Variants in CFAP299 observed in about 807,000 individuals in gnomAD.
CFAP299 encodes the protein cilia and flagella associated protein 299, also known as cilia- and flagella-associated protein 299.
CFAP299 carries 21 observed loss-of-function variants against 27.0 expected under a neutral mutation model. The ratio of observed to expected loss-of-function variants is 0.78; its 90% CI spans 0.55 to 1.12. The LOEUF (loss-of-function observed/expected upper bound fraction) is 1.12. Ranked by LOEUF, CFAP299 falls within the 50% of genes most tolerant of loss-of-function variation. The pLI, the probability that CFAP299 is intolerant of heterozygous loss-of-function variation, is 0.00. For missense variants in CFAP299, 310 were observed against 276.6 expected, an observed-to-expected ratio of 1.12 and a Z score of -0.86; for synonymous variants, 104 against 98.1, an observed-to-expected ratio of 1.06 and a Z score of -0.36.
intron 2 of CFAP299, among the ~76,000 whole-genome samples, chr4:80,442,541 G>A (rs1728409264): frequency 2.0e-5 from 3 of 152,090 alleles, no homozygotes. Flanking sequence ...AGAATCTCTG[G>A]GACACAGCTA....
chr4:80,760,817 G>A (rs890051167), intron 3 of CFAP299, among the ~76,000 whole-genome samples: 3 of 152,102 alleles, frequency 2.0e-5, no homozygotes, highest in Non-Finnish European at 2.9e-5. Flanking sequence ...AGTCACTAGG[G>A]AAGTCTTCCT....
intron 3 of CFAP299, among the ~76,000 whole-genome samples, chr4:80,638,576 G>A (rs969292987): frequency 6.6e-6 from 1 of 152,302 alleles, no homozygotes; most frequent in African/African-American, 2.4e-5. Context: ...CTTGAGTCAT[G>A]CTTCCCTGAG....
chr4:80,860,832 C>T (rs1578192251), intron 3 of CFAP299, among the ~76,000 whole-genome samples: 1 of 152,156 alleles, frequency 6.6e-6, no homozygotes, highest in African/African-American at 2.4e-5. Context: ...GGGGGTGCCT[C>T]CCAGTTAGGC....
In CFAP299 at chr4:80,451,479, G is replaced by T. The variant is rs566178861; in HGVS notation, c.242+88595G>T. Among the ~76,000 whole-genome samples the T allele has an allele frequency of 4.9e-4, 75 of 152,258 alleles. 1 individual carries two copies. Among genetic ancestry groups the T allele is most frequent in the African/African-American group, 1.7e-3 (72 of 41,536 alleles). ...CAGTGCAACTGAGTACACTATAAGA[G>T]CTTATTAAAAATTAATTGAGCTTAT... On this transcript the variant is annotated intron_variant, in intron 2 of 5. Coordinates refer to ENST00000358105, the MANE Select transcript of CFAP299 (RefSeq NM_152770.3).
chr4:80,476,083 T>C (rs1730260921), intron 2 of CFAP299, among the ~76,000 whole-genome samples: 1 of 152,202 alleles, frequency 6.6e-6, no homozygotes, highest in Admixed American at 6.5e-5. Context: ...ACAGCATCAT[T>C]GGTAAGAGTG....
At chr4:80,901,774 A>ATG (rs1734912019) in intron 4 of CFAP299, among the ~76,000 whole-genome samples, 1 of 152,084 alleles carries the variant, frequency 6.6e-6, no homozygotes, top group African/African-American at 2.4e-5. Flanking sequence ...TACCTACTTT[A>ATG]GTTTTGAATA....
chr4:80,851,082 G>T (rs1578181994), intron 3 of CFAP299, among the ~76,000 whole-genome samples: 1 of 152,130 alleles, frequency 6.6e-6, no homozygotes, highest in East Asian at 1.9e-4. Context: ...TGATGTAGTA[G>T]ACAGTAACAC....
chr4:80,330,399 G>A, the CFAP299 span, among the ~76,000 whole-genome samples: 1 of 151,970 alleles, frequency 6.6e-6, no homozygotes, highest in Non-Finnish European at 1.5e-5. Context: ...ACCACAGCGT[G>A]GTCTACTTTT....
At chr4:80,447,486 G>T (rs1728702408) in intron 2 of CFAP299, among the ~76,000 whole-genome samples, 1 of 151,748 alleles carries the variant, frequency 6.6e-6, no homozygotes, top group Non-Finnish European at 1.5e-5. Flanking sequence ...AGGATGGAGT[G>T]CAGTGGCGTG....
intron 3 of CFAP299, among the ~76,000 whole-genome samples, chr4:80,794,574 T>A (rs904800105): frequency 2.0e-5 from 3 of 152,080 alleles, no homozygotes; most frequent in Admixed American, 2.0e-4. Context: ...TGCTTCAGGA[T>A]GATGGGGAAC....
chr4:80,344,112 A>G (rs1722606433), intron 1 of CFAP299, among the ~76,000 whole-genome samples: 1 of 152,146 alleles, frequency 6.6e-6, no homozygotes, highest in African/African-American at 2.4e-5. Context: ...CAAACAAACC[A>G]CAAAGCTGGC....
At chr4:80,351,668 G>A (rs1723019410) in intron 1 of CFAP299, among the ~76,000 whole-genome samples, 2 of 151,736 alleles carry the variant, frequency 1.3e-5, no homozygotes, top group African/African-American at 4.8e-5. Context: ...TAAAAGCAGA[G>A]ATGGTCAGAA....
rs941879504 is a variant in CFAP299 at position 80,387,110 on chromosome 4, G to A, written c.242+24226G>A. 1.4e-5 allele frequency: 20 copies of A among 1,443,604 alleles called. No homozygotes were observed. In the African/African-American group the frequency reaches 2.0e-4, roughly 14 times the overall value. 89.4% of individuals were successfully genotyped at this position (1,443,604 alleles called of 1,614,324 possible). A position where few individuals can be genotyped will look rare whatever the true frequency, so the allele number is the denominator to read the frequency against. On this transcript the variant is annotated intron_variant, in intron 2 of 5. Coordinates refer to ENST00000358105, the MANE Select transcript of CFAP299 (RefSeq NM_152770.3). ...GCAGGTGATGCTCCAGGGCCTCTGG[G>A]GTGGATATTTGTTGACACGTTTGAC...
chr4:80,805,468 A>G (rs1728816537), intron 3 of CFAP299, among the ~76,000 whole-genome samples: 1 of 152,182 alleles, frequency 6.6e-6, no homozygotes, highest in Non-Finnish European at 1.5e-5. Context: ...AAGCAAATAC[A>G]TTTAACAAAT....
intron 4 of CFAP299, chr4:80,870,874 A>G: frequency 1.0e-6 from 1 of 985,230 alleles, no homozygotes; most frequent in South Asian, 4.7e-5. Flanking sequence ...CCTTACTGAT[A>G]TTATCTGAAG....
intron 4 of CFAP299, among the ~76,000 whole-genome samples, chr4:80,898,669 G>A (rs1032831705): frequency 2.0e-5 from 3 of 152,004 alleles, no homozygotes; most frequent in Admixed American, 6.6e-5. Context: ...AAACCCAGCT[G>A]TAAGATAATC....
intron 2 of CFAP299, among the ~76,000 whole-genome samples, chr4:80,582,585 T>C (rs1212568841): frequency 6.6e-6 from 1 of 151,908 alleles, no homozygotes; most frequent in Non-Finnish European, 1.5e-5. Flanking sequence ...ATGATATTTT[T>C]TGAATTCTTG....
chr4:80,321,700 A>T, the CFAP299 span, among the ~76,000 whole-genome samples: 2 of 152,166 alleles, frequency 1.3e-5, no homozygotes, highest in Non-Finnish European at 2.9e-5. Flanking sequence ...CATATCTTAG[A>T]TCCAATACAA....
chr4:80,696,316 G>A (rs902051270), intron 3 of CFAP299, among the ~76,000 whole-genome samples: 81 of 150,374 alleles, frequency 5.4e-4, no homozygotes, highest in African/African-American at 1.9e-3. Context: ...AAAAGAAGAA[G>A]TAGAATTTAA....
Sources: gnomAD v4.1 joint callset for allele counts (sites outside exome capture counted in the v4.1 genomes callset) on GRCh38, gnomAD v4.1.1 for gene constraint, MANE v1.5 for transcripts, NCBI Gene and HGNC (gene_info 2026-07-23, HGNC 2026-07-21) for gene names.